Variants in TNNI3K observed in about 807,000 individuals in gnomAD.
TNNI3K encodes serine/threonine-protein kinase TNNI3K.
In TNNI3K, 140 loss-of-function variants were observed where a neutral mutation model predicts 114.5. The observed-to-expected ratio is 1.22, with a 90% CI of 1.07 to 1.41. The LOEUF (loss-of-function observed/expected upper bound fraction) is 1.41. TNNI3K is among the 40% of genes most tolerant of loss of function. The pLI, the probability that TNNI3K is intolerant of heterozygous loss-of-function variation, is 0.00. For missense variants in TNNI3K, 1,125 were observed against 1,007.6 expected (o/e 1.12, Z -1.58); for synonymous variants, 347 against 347.5 (o/e 1.00, Z 0.02).
At chr1:74,407,832 C>T (rs567662793) in intron 17 of TNNI3K, among the ~76,000 whole-genome samples, 2 of 152,256 alleles carry the variant, frequency 1.3e-5, no homozygotes, top group Admixed American at 6.5e-5. Context: ...GGGGATACCA[C>T]TTATGATGCC....
chr1:74,432,621 A>T (rs10749831), intron 17 of TNNI3K, among the ~76,000 whole-genome samples: 136,684 of 152,126 alleles, frequency 0.9, 61,402 homozygotes, highest in East Asian at 0.97. Flanking sequence ...GGAAAGTTAG[A>T]CTTTGCCTGC....
chr1:74,501,515 C>T (rs1427120419), intron 23 of TNNI3K, among the ~76,000 whole-genome samples: 4 of 127,990 alleles, frequency 3.1e-5, no homozygotes, highest in African/African-American at 1.1e-4. Context: ...TTTTTTGAGA[C>T]TGGCTCTGTC....
At chr1:74,432,544 G>A (rs534378640) in intron 17 of TNNI3K, among the ~76,000 whole-genome samples, 42 of 152,060 alleles carry the variant, frequency 2.8e-4, no homozygotes, top group Non-Finnish European at 5.4e-4. Flanking sequence ...TGTTTGCAGT[G>A]ATTATGCTTC....
intron 23 of TNNI3K, among the ~76,000 whole-genome samples, chr1:74,530,811 T>C (rs1646572811): frequency 1.3e-5 from 2 of 151,934 alleles, no homozygotes; most frequent in South Asian, 4.1e-4. Flanking sequence ...GTTTTAGCAG[T>C]CAAGGCATGC....
intron 17 of TNNI3K, chr1:74,372,738 A>C (rs1023852592): frequency 6.6e-6 from 1 of 151,882 alleles, no homozygotes; most frequent in Non-Finnish European, 1.5e-5. Flanking sequence ...CTCTAGCTGT[A>C]ACTCTTCATT....
At chr1:74,385,204 G>A (rs1663411919) in intron 17 of TNNI3K, among the ~76,000 whole-genome samples, 1 of 152,100 alleles carries the variant, frequency 6.6e-6, no homozygotes, top group African/African-American at 2.4e-5. Flanking sequence ...CAATAGAGTT[G>A]AAAAGATTAG....
chr1:74,409,492 C>CTTTTTTT (rs540218540), intron 17 of TNNI3K, among the ~76,000 whole-genome samples: 8 of 124,910 alleles, frequency 6.4e-5, no homozygotes, highest in Non-Finnish European at 1.2e-4. Flanking sequence ...CTATTTGTTT[C>CTTTTTTT]TTTTTTTTTT....
chr1:74,255,259 C>G (rs970588165), intron 4 of TNNI3K, among the ~76,000 whole-genome samples: 1 of 147,078 alleles, frequency 6.8e-6, no homozygotes, highest in African/African-American at 2.5e-5. Flanking sequence ...GAGGCTGAGG[C>G]GGGAGAATGG....
At position 74,493,911 on chromosome 1, in the gene TNNI3K, A is replaced by G. The variant is rs117297691; in HGVS notation, c.2351+1645A>G. 1.1e-3 allele frequency among the ~76,000 whole-genome samples: 162 copies of G among 152,322 alleles called. 3 individuals are homozygous for G. In the East Asian group the frequency reaches 0.031, roughly 29 times the overall value. On this transcript the variant is annotated intron_variant, in intron 23 of 24. Coordinates refer to ENST00000326637, the MANE Select transcript of TNNI3K (RefSeq NM_015978.3). ...GGAAGAAAAAATATACTTGATTTTT[A>G]GTGGGAAGAATTGCAAAGCCATATG...
chr1:74,473,171 TTCA>T (rs1414910743), intron 21 of TNNI3K, among the ~76,000 whole-genome samples: 8 of 152,142 alleles, frequency 5.3e-5, no homozygotes, highest in African/African-American at 1.9e-4. Flanking sequence ...ATAATGTACG[TTCA>T]TCATCTCTTT....
chr1:74,499,685 CA>C (rs199921700), intron 23 of TNNI3K, among the ~76,000 whole-genome samples: 19 of 151,768 alleles, frequency 1.3e-4, no homozygotes, highest in African/African-American at 4.4e-4. Flanking sequence ...TATTTCCCAC[CA>C]AAAAAATGAG....
chr1:74,480,422 T>C (rs986824235), intron 21 of TNNI3K: 10 of 717,464 alleles, frequency 1.4e-5, no homozygotes, highest in Non-Finnish European at 2.3e-5. Context: ...CTGGTTCTTA[T>C]CTAAGCTCAG....
chr1:74,460,079 C>CT (rs776231729), intron 20 of TNNI3K, among the ~76,000 whole-genome samples: 2,982 of 146,312 alleles, frequency 0.02, 96 homozygotes, highest in African/African-American at 0.066. Flanking sequence ...CAACATATAA[C>CT]TTTTTTTTTT....
intron 20 of TNNI3K, among the ~76,000 whole-genome samples, chr1:74,454,537 A>G (rs1667153715): frequency 6.6e-6 from 1 of 152,190 alleles, no homozygotes; most frequent in African/African-American, 2.4e-5. Flanking sequence ...ATGTTGTTGC[A>G]AATGATAGGA....
Position 74,369,461 on chromosome 1 carries a change from C to G in TNNI3K, c.1543C>G (p.Gln515Glu). The G allele has an allele frequency of 6.2e-7, 1 of 1,612,722 alleles. No individual in the cohort carries two copies. Among genetic ancestry groups the G allele is most frequent in the Non-Finnish European group, 8.5e-7 (1 of 1,179,206 alleles). ...TTGCCGAGAGGTGTCCATTCTCTGC[C>G]AGCTCAATCATCCCTGCGTAATTCA... The part of the protein sequence containing the change: ...MFCREVSILC[Q>E]LNHPCVIQFV... The change falls in exon 16 of 25, where the codon CAG becomes GAG. Residue 515 changes from glutamine to glutamate, a missense_variant. By Grantham distance (29) the Gln-to-Glu change is conservative. Transcript: ENST00000326637.
At chr1:74,450,657 C>G (rs1398302296) in intron 20 of TNNI3K, among the ~76,000 whole-genome samples, 1 of 152,114 alleles carries the variant, frequency 6.6e-6, no homozygotes, top group Non-Finnish European at 1.5e-5. Context: ...CGCCCAACAT[C>G]ACTGATCATT....
rs183030706 is a variant in TNNI3K at position 74,253,625 on chromosome 1, G to T, written c.333+2856G>T. ...CTGCCCGGAGCCGGCAGGACTGGCCGGCCGCTCGGAGTGCGGGCCCGCCAA... is the reference window on the plus strand; with the variant it reads ...CTGCCCGGAGCCGGCAGGACTGGCCTGCCGCTCGGAGTGCGGGCCCGCCAA... On this transcript the variant is annotated intron_variant, in intron 4 of 24. Coordinates refer to ENST00000326637, the MANE Select transcript of TNNI3K (RefSeq NM_015978.3). 3.9e-3 allele frequency among the ~76,000 whole-genome samples: 598 copies of T among 152,154 alleles called. 5 individuals carry two copies. Among genetic ancestry groups the T allele is most frequent in the African/African-American group, 0.014 (572 of 41,520 alleles).
intron 5 of TNNI3K, among the ~76,000 whole-genome samples, chr1:74,302,197 T>G (rs986668094): frequency 5.3e-5 from 8 of 152,248 alleles, no homozygotes; most frequent in Non-Finnish European, 1.0e-4. Context: ...GCAATTGTTT[T>G]GGGGAGCCAT....
chr1:74,239,068 G>A (rs1654032121), intron 2 of TNNI3K, among the ~76,000 whole-genome samples: 2 of 152,088 alleles, frequency 1.3e-5, no homozygotes, highest in Non-Finnish European at 2.9e-5. Context: ...AGAACTCTTT[G>A]CCTGAGGTGA....
Sources: gnomAD v4.1 joint callset for allele counts (sites outside exome capture counted in the v4.1 genomes callset) on GRCh38, gnomAD v4.1.1 for gene constraint, MANE v1.5 for transcripts, NCBI Gene and HGNC (gene_info 2026-07-23, HGNC 2026-07-21) for gene names.